SCAPER: variants seen among roughly 807,000 people sequenced by gnomAD.
The protein encoded by SCAPER is S-phase cyclin A associated protein in the ER.
SCAPER carries 98 observed loss-of-function variants against 182.2 expected under a neutral mutation model. That is an observed-to-expected ratio of 0.54 (90% CI 0.46 to 0.64). The LOEUF is 0.64. Among genes scored for constraint, SCAPER ranks in the 30% least tolerant of loss-of-function variants. SCAPER has a pLI of 0.00. For synonymous variants in SCAPER, 605 were observed against 564.6 expected (o/e 1.07, Z -1.01); for missense variants, 1,432 against 1,690.0 (o/e 0.85, Z 2.68).
rs1408047445 is a variant in SCAPER, at chr15:76,875,966, C to CCCTG, written c.6+7842_6+7845dup. On this transcript the variant is annotated intron_variant, in intron 2 of 31. Coordinates refer to ENST00000563290, the MANE Select transcript of SCAPER (RefSeq NM_020843.4). ...GGCATGGCGGGCTGCAGGTCCCGAG[C>CCCTG]CCTGCCCCGCTGGGAGGCAGCAAAG... Among the ~76,000 whole-genome samples, 8 of 152,260 alleles carry CCCTG rather than the reference C, an allele frequency of 5.3e-5. No homozygotes were observed. In the East Asian group the frequency reaches 1.6e-3, roughly 30 times the overall value.
intron 28 of SCAPER, among the ~76,000 whole-genome samples, chr15:76,376,844 TAA>T (rs548114671): frequency 1.8e-4 from 27 of 151,958 alleles, no homozygotes; most frequent in Non-Finnish European, 2.1e-4. Flanking sequence ...CAAAAGAATG[TAA>T]AAAAACAAAA....
intron 10 of SCAPER, among the ~76,000 whole-genome samples, chr15:76,768,900 T>C (rs2063276980): frequency 6.6e-6 from 1 of 152,054 alleles, no homozygotes; most frequent in African/African-American, 2.4e-5. Flanking sequence ...TCTTTATTCA[T>C]TAAAGAAAGA....
intron 21 of SCAPER, among the ~76,000 whole-genome samples, chr15:76,638,876 T>C (rs1167449909): frequency 1.3e-5 from 2 of 152,192 alleles, no homozygotes; most frequent in African/African-American, 4.8e-5. Context: ...CATGAATTAA[T>C]TTATTTAATT....
intron 5 of SCAPER, among the ~76,000 whole-genome samples, chr15:76,833,194 C>T (rs1391736524): frequency 6.6e-6 from 1 of 152,170 alleles, no homozygotes; most frequent in Non-Finnish European, 1.5e-5. Context: ...AGAAACCCTA[C>T]AAGCCAGAAG....
chr15:76,457,572 G>A (rs1243746290), intron 25 of SCAPER, among the ~76,000 whole-genome samples: 3 of 152,138 alleles, frequency 2.0e-5, no homozygotes, highest in Non-Finnish European at 4.4e-5. Context: ...GCTTGAAGGA[G>A]TTACAACACA....
intron 8 of SCAPER, among the ~76,000 whole-genome samples, chr15:76,792,006 T>A (rs1259040824): frequency 6.7e-6 from 1 of 149,548 alleles, no homozygotes; most frequent in African/African-American, 2.5e-5. Flanking sequence ...ACTTGGGTGA[T>A]CTGCTTGTTC....
chr15:76,887,655 G>A (rs1006908898), intron 1 of SCAPER, among the ~76,000 whole-genome samples: 6 of 152,234 alleles, frequency 3.9e-5, no homozygotes, highest in East Asian at 3.9e-4. Context: ...CAGGAGGCTC[G>A]AACTAGGCAG....
chr15:76,648,799 T>C (rs1238151628), intron 21 of SCAPER, among the ~76,000 whole-genome samples: 3 of 152,156 alleles, frequency 2.0e-5, no homozygotes, highest in South Asian at 2.1e-4. Context: ...GCTGTGCCAA[T>C]AGGGAAAAAA....
intron 25 of SCAPER, among the ~76,000 whole-genome samples, chr15:76,469,068 C>G (rs761623329): frequency 6.6e-6 from 1 of 152,154 alleles, no homozygotes; most frequent in Non-Finnish European, 1.5e-5. Context: ...GCAGCCTGGA[C>G]TGAGACAATA....
chr15:76,889,827 G>A (rs1263060212), intron 1 of SCAPER, among the ~76,000 whole-genome samples: 1 of 152,126 alleles, frequency 6.6e-6, no homozygotes, highest in Non-Finnish European at 1.5e-5. Context: ...GGACCTAATA[G>A]ACATCTACAG....
At chr15:76,485,530 A>C (rs1379570973) in intron 24 of SCAPER, among the ~76,000 whole-genome samples, 1 of 152,192 alleles carries the variant, frequency 6.6e-6, no homozygotes, top group Non-Finnish European at 1.5e-5. Context: ...ACTACAAAAA[A>C]CAATTTTAAA....
intron 25 of SCAPER, among the ~76,000 whole-genome samples, chr15:76,448,092 T>C (rs2048123636): frequency 6.6e-6 from 1 of 152,166 alleles, no homozygotes; most frequent in Non-Finnish European, 1.5e-5. Context: ...ACTAGTGGTG[T>C]ATGAGACTGT....
At chr15:76,582,425 C>T (rs2048334176) in intron 22 of SCAPER, among the ~76,000 whole-genome samples, 1 of 152,070 alleles carries the variant, frequency 6.6e-6, no homozygotes, top group Non-Finnish European at 1.5e-5. Flanking sequence ...GAAAACTATA[C>T]AACACTGATG....
chr15:76,760,595 G>C (rs1291406717), intron 14 of SCAPER, among the ~76,000 whole-genome samples: 1 of 152,082 alleles, frequency 6.6e-6, no homozygotes, highest in East Asian at 1.9e-4. Flanking sequence ...TTGAAGTTCT[G>C]GTAGCCAGCA....
chr15:76,530,548 G>A (rs985050811), intron 23 of SCAPER, among the ~76,000 whole-genome samples: 4 of 152,150 alleles, frequency 2.6e-5, no homozygotes, highest in African/African-American at 9.7e-5. Flanking sequence ...GAGGCACTAT[G>A]GGAAATTTAT....
At chr15:76,571,360 T>A (rs928785376) in intron 23 of SCAPER, among the ~76,000 whole-genome samples, 1 of 151,950 alleles carries the variant, frequency 6.6e-6, no homozygotes, top group East Asian at 1.9e-4. Context: ...TGGCTTAAGA[T>A]TTTTTTTAAA....
intron 20 of SCAPER, among the ~76,000 whole-genome samples, chr15:76,700,742 T>C (rs2058897528): frequency 1.3e-5 from 2 of 152,170 alleles, no homozygotes; most frequent in African/African-American, 4.8e-5. Context: ...TTCCTGATGC[T>C]ACACAGGAGG....
intron 22 of SCAPER, among the ~76,000 whole-genome samples, chr15:76,584,073 G>T (rs2048456932): frequency 6.6e-6 from 1 of 152,170 alleles, no homozygotes; most frequent in Admixed American, 6.5e-5. Flanking sequence ...GTACAGAATG[G>T]AATATATCAC....
At chr15:76,482,559 A>G (rs1291878389) in intron 24 of SCAPER, among the ~76,000 whole-genome samples, 1 of 152,160 alleles carries the variant, frequency 6.6e-6, no homozygotes, top group Non-Finnish European at 1.5e-5. Context: ...GAAGAAGTAA[A>G]GCTTTACTTG....
Sources: gnomAD v4.1 joint callset for allele counts (sites outside exome capture counted in the v4.1 genomes callset) on GRCh38, gnomAD v4.1.1 for gene constraint, MANE v1.5 for transcripts, NCBI Gene and HGNC (gene_info 2026-07-23, HGNC 2026-07-21) for gene names.